Variants in SPRR2G observed in about 807,000 individuals in gnomAD.
The protein encoded by SPRR2G is small proline-rich protein 2G.
SPRR2G carries 1 observed loss-of-function variant against 0.7 expected under a neutral mutation model. The ratio of observed to expected loss-of-function variants is 1.49; its 90% CI spans 0.53 to 7.06. The LOEUF (loss-of-function observed/expected upper bound fraction) is 7.06, where lower values mean the gene tolerates loss of function less well. Among genes scored for constraint, SPRR2G ranks in the 30% most tolerant of loss-of-function variants. SPRR2G has a pLI of 0.14. For synonymous variants in SPRR2G, 38 were observed against 33.9 expected, an observed-to-expected ratio of 1.12 and a Z score of -0.42; for missense variants, 96 against 88.5, an observed-to-expected ratio of 1.09 and a Z score of -0.34.
chr1:153,166,077 A>AT, the SPRR2G span, among the ~76,000 whole-genome samples: 1 of 152,134 alleles, frequency 6.6e-6, no homozygotes, highest in Non-Finnish European at 1.5e-5. Context: ...TCTCTTTCCC[A>AT]TAAGCCATCC....
rs560339634 is a variant in SPRR2G, at chr1:153,150,173, C to T, written c.-21-42G>A. 71 of 1,603,032 alleles carry T rather than the reference C, an allele frequency of 4.4e-5. No individual in the cohort carries two copies. The East Asian group carries it at 1.0e-3, about 23-fold the overall frequency. ...AAACAGTGCTCATAAGAGAGACAGT[C>T]CTGTTGGTGGAGCAATTAGCTAGGA... On this transcript the variant is annotated intron_variant, in intron 1 of 1. Coordinates refer to ENST00000368748, the MANE Select transcript of SPRR2G (RefSeq NM_001014291.4).
the SPRR2G span, among the ~76,000 whole-genome samples, chr1:153,189,861 GA>G: frequency 6.6e-6 from 1 of 152,138 alleles, no homozygotes; most frequent in Non-Finnish European, 1.5e-5. Flanking sequence ...CAACTCCTGG[GA>G]GGGGCAGACA....
the SPRR2G span, among the ~76,000 whole-genome samples, chr1:153,161,025 G>A: frequency 4.7e-5 from 7 of 149,708 alleles, no homozygotes; most frequent in African/African-American, 9.9e-5. Flanking sequence ...CTCACTCATA[G>A]GTGGGAATTG....
the SPRR2G span, among the ~76,000 whole-genome samples, chr1:153,160,259 A>G: frequency 2.0e-4 from 30 of 152,214 alleles, no homozygotes; most frequent in African/African-American, 7.2e-4. Flanking sequence ...CTAAGGTTCA[A>G]TAATATTACA....
chr1:153,181,032 G>T, the SPRR2G span, among the ~76,000 whole-genome samples: 1 of 151,930 alleles, frequency 6.6e-6, no homozygotes, highest in South Asian at 2.1e-4. Flanking sequence ...CAAGCCCTTT[G>T]TTAAATATAG....
chr1:153,164,901 A>T, the SPRR2G span, among the ~76,000 whole-genome samples: 2 of 152,198 alleles, frequency 1.3e-5, no homozygotes, highest in East Asian at 3.8e-4. Flanking sequence ...GGAAACTAGC[A>T]GGATAACAGG....
the SPRR2G span, among the ~76,000 whole-genome samples, chr1:153,181,098 GTTTTTGATAATCAGAAA>G: frequency 6.6e-6 from 1 of 151,902 alleles, no homozygotes; most frequent in Admixed American, 6.5e-5. Flanking sequence ...TCTTGGTGGT[GTTTTTGATAATCAGAAA>G]TTTTTAATTT....
At chr1:153,200,407 C>A in the SPRR2G span, among the ~76,000 whole-genome samples, 1 of 152,000 alleles carries the variant, frequency 6.6e-6, no homozygotes. Context: ...AGACACCTGG[C>A]CAGCGTTGAC....
the SPRR2G span, among the ~76,000 whole-genome samples, chr1:153,164,163 GGT>G: frequency 3.3e-5 from 5 of 152,078 alleles, no homozygotes; most frequent in Non-Finnish European, 7.3e-5. Flanking sequence ...AATGTTATTT[GGT>G]AAACAAAACT....
At chr1:153,202,023 C>T in the SPRR2G span, among the ~76,000 whole-genome samples, 597 of 152,306 alleles carry the variant, frequency 3.9e-3, 8 homozygotes, top group African/African-American at 0.013. Context: ...GTTAAACAAA[C>T]GAGTGACTAA....
chr1:153,149,979 C>T lies in SPRR2G; in HGVS notation c.132G>A (p.Glu44=), dbSNP rs1656425527. The T allele has an allele frequency of 6.2e-7, 1 of 1,613,984 alleles. No individual in the cohort carries two copies. Among genetic ancestry groups the T allele is most frequent in the Non-Finnish European group, 8.5e-7 (1 of 1,179,988 alleles). The change falls in exon 2 of 2, where the codon GAG becomes GAA. Residue 44 remains glutamate, a synonymous_variant. Coordinates refer to ENST00000368748, the MANE Select transcript of SPRR2G (RefSeq NM_001014291.4). ...EPYLPPPCPP[E]HCPPPPCQDK... ...CCTGGCATGGTGGAGGTGGGCAATG[C>T]TCAGGTGGACAAGGAGGAGGCAGGT...
At chr1:153,152,588 TC>T (rs1656495477), upstream of SPRR2G, among the ~76,000 whole-genome samples, 1 of 152,158 alleles carries the variant, frequency 6.6e-6, no homozygotes, top group South Asian at 2.1e-4. Context: ...AGGCTAGTTA[TC>T]CCTCCCTAGT....
chr1:153,183,197 G>A, the SPRR2G span, among the ~76,000 whole-genome samples: 12 of 138,612 alleles, frequency 8.7e-5, no homozygotes, highest in East Asian at 1.4e-3. Flanking sequence ...GTGTGGTGGC[G>A]CATGCCTGTA....
chr1:153,158,481 C>T, the SPRR2G span, among the ~76,000 whole-genome samples: 1 of 152,232 alleles, frequency 6.6e-6, no homozygotes, highest in Admixed American at 6.5e-5. Context: ...GGCAGCTCTG[C>T]CCCTGTGGCT....
upstream of SPRR2G, among the ~76,000 whole-genome samples, chr1:153,153,258 T>C (rs1656510470): frequency 6.6e-6 from 1 of 152,190 alleles, no homozygotes; most frequent in Admixed American, 6.5e-5. Flanking sequence ...AGTGTTTAAA[T>C]ATTTAAATGT....
the SPRR2G span, among the ~76,000 whole-genome samples, chr1:153,157,061 G>A: frequency 6.6e-6 from 1 of 152,090 alleles, no homozygotes; most frequent in Non-Finnish European, 1.5e-5. Flanking sequence ...CATCACCCAA[G>A]AATATCACAC....
At chr1:153,194,426 A>G in the SPRR2G span, among the ~76,000 whole-genome samples, 1 of 152,212 alleles carries the variant, frequency 6.6e-6, no homozygotes, top group Admixed American at 6.5e-5. Flanking sequence ...CAGACAGTTG[A>G]TAAACTTAGG....
At chr1:153,189,148 A>T in the SPRR2G span, among the ~76,000 whole-genome samples, 1 of 152,216 alleles carries the variant, frequency 6.6e-6, no homozygotes, top group Non-Finnish European at 1.5e-5. Context: ...TTCTTGAAAG[A>T]GGTTCACCAA....
chr1:153,167,711 A>G, the SPRR2G span, among the ~76,000 whole-genome samples: 1 of 152,194 alleles, frequency 6.6e-6, no homozygotes, highest in African/African-American at 2.4e-5. Flanking sequence ...ATCTTCTTAT[A>G]GAAGATATAA....
Sources: allele counts gnomAD v4.1 joint callset (sites outside exome capture counted in the v4.1 genomes callset), GRCh38; gene constraint gnomAD v4.1.1; transcripts MANE v1.5; gene names NCBI Gene and HGNC (gene_info 2026-07-23, HGNC 2026-07-21).